Variants in RBFOX1 observed in about 807,000 individuals in gnomAD.
The protein encoded by RBFOX1 is RNA binding fox-1 homolog 1, also known as RNA binding protein fox-1 homolog 1.
RBFOX1 carries 8 observed loss-of-function variants against 57.7 expected under a neutral mutation model. The observed-to-expected ratio is 0.14, with a 90% CI of 0.08 to 0.25. The LOEUF is 0.25. Among genes scored for constraint, RBFOX1 ranks in the 10% least tolerant of loss-of-function variants. RBFOX1 has a pLI of 1.00. For missense variants in RBFOX1, 611 were observed against 548.5 expected, an observed-to-expected ratio of 1.11 and a Z score of -1.14; for synonymous variants, 326 against 222.4, an observed-to-expected ratio of 1.47 and a Z score of -4.15.
intron 2 of RBFOX1, among the ~76,000 whole-genome samples, chr16:6,519,626 G>A (rs747393986): frequency 5.3e-5 from 8 of 152,084 alleles, no homozygotes; most frequent in African/African-American, 7.2e-5. Context: ...GCTTGAACCC[G>A]GGAGGTGGAG....
chr16:6,446,542 A>T (rs1009338570), intron 2 of RBFOX1, among the ~76,000 whole-genome samples: 1 of 152,188 alleles, frequency 6.6e-6, no homozygotes, highest in South Asian at 2.1e-4. Flanking sequence ...TGCCTTCTGT[A>T]TTCAAGTGAT....
intron 5 of RBFOX1, among the ~76,000 whole-genome samples, chr16:7,540,647 A>G (rs2082673428): frequency 6.6e-6 from 1 of 152,298 alleles, no homozygotes; most frequent in South Asian, 2.1e-4. Context: ...AAACCTGCTC[A>G]TGATAGTCAT....
intron 1 of RBFOX1, among the ~76,000 whole-genome samples, chr16:6,111,618 A>G (rs993711897): frequency 7.9e-5 from 12 of 152,350 alleles, no homozygotes; most frequent in Admixed American, 2.0e-4. Context: ...TAAACTGGGT[A>G]TTTCTAATGT....
At position 6,843,858 on chromosome 16, in the gene RBFOX1, C is replaced by G. The variant is rs374907435; in HGVS notation, c.-16+189208C>G. ...GAAGTTCTCCTGAACTGACTGTTCCCTCAATATCTTCATATCCCCTGGATT... is the reference window on the plus strand; with the variant it reads ...GAAGTTCTCCTGAACTGACTGTTCCGTCAATATCTTCATATCCCCTGGATT... On this transcript the variant is annotated intron_variant, in intron 3 of 15. Transcript: ENST00000550418. Among the ~76,000 whole-genome samples the G allele has an allele frequency of 5.3e-5, 8 of 152,210 alleles. No homozygotes were observed. The South Asian group carries it at 1.0e-3, about 20-fold the overall frequency.
At chr16:6,658,467 A>G (rs2098676793) in intron 3 of RBFOX1, among the ~76,000 whole-genome samples, 1 of 152,088 alleles carries the variant, frequency 6.6e-6, no homozygotes, top group African/African-American at 2.4e-5. Flanking sequence ...TCAGCCTCCC[A>G]AAGTGCTGGG....
chr16:5,632,150 G>C (rs1175397582), intron 3 of RBFOX1, among the ~76,000 whole-genome samples: 2 of 152,194 alleles, frequency 1.3e-5, no homozygotes, highest in Non-Finnish European at 2.9e-5. Context: ...ATGCAGGTAA[G>C]CTACTTCATA....
chr16:5,268,001 C>A (rs1478808966), intron 1 of RBFOX1, among the ~76,000 whole-genome samples: 1 of 152,104 alleles, frequency 6.6e-6, no homozygotes, highest in Non-Finnish European at 1.5e-5. Flanking sequence ...ATCGCTTGAA[C>A]CCAGGAGGCG....
chr16:6,413,047 C>CAGTG (rs1197495145), intron 2 of RBFOX1, among the ~76,000 whole-genome samples: 1 of 152,190 alleles, frequency 6.6e-6, no homozygotes, highest in Non-Finnish European at 1.5e-5. Context: ...TGGCCAGGTA[C>CAGTG]AGTGCCTCAT....
At chr16:5,602,391 A>G (rs2047394986), downstream of RBFOX1, among the ~76,000 whole-genome samples, 1 of 152,218 alleles carries the variant, frequency 6.6e-6, no homozygotes, top group African/African-American at 2.4e-5. Context: ...TAATTTTTAA[A>G]AAGATGTACC....
At chr16:5,634,730 G>A (rs905125217) in intron 3 of RBFOX1, among the ~76,000 whole-genome samples, 6 of 152,148 alleles carry the variant, frequency 3.9e-5, no homozygotes, top group African/African-American at 1.2e-4. Context: ...GCCCACCAGC[G>A]TATTCTCTCC....
intron 4 of RBFOX1, among the ~76,000 whole-genome samples, chr16:7,210,913 A>T (rs1307839274): frequency 6.6e-6 from 1 of 151,648 alleles, no homozygotes; most frequent in African/African-American, 2.4e-5. Context: ...CTCACTATAA[A>T]AGAAAAAAAA....
chr16:6,319,839 C>T (rs1029975120), intron 2 of RBFOX1, among the ~76,000 whole-genome samples: 1 of 152,178 alleles, frequency 6.6e-6, no homozygotes, highest in Non-Finnish European at 1.5e-5. Flanking sequence ...CAAGAGGTTT[C>T]CTTGATCTCT....
chr16:7,553,395 T>A (rs940301499), intron 5 of RBFOX1, among the ~76,000 whole-genome samples: 2 of 152,184 alleles, frequency 1.3e-5, no homozygotes, highest in African/African-American at 4.8e-5. Flanking sequence ...TCCTCTAGCA[T>A]TGGTCTTCCA....
At chr16:5,574,038 C>A (rs12934769) in intron 2 of RBFOX1, among the ~76,000 whole-genome samples, 45,217 of 152,138 alleles carry the variant, frequency 0.3, 7,018 homozygotes, top group Non-Finnish European at 0.35. Flanking sequence ...TGGATTTGCC[C>A]CCGATGCCAT....
chr16:5,932,916 GA>G (rs1361775389), intron 4 of RBFOX1, among the ~76,000 whole-genome samples: 1 of 151,014 alleles, frequency 6.6e-6, no homozygotes, highest in Non-Finnish European at 1.5e-5. Flanking sequence ...TCCTGGCAAA[GA>G]AAAAAAAGGT....
intron 3 of RBFOX1, among the ~76,000 whole-genome samples, chr16:6,953,629 C>A (rs1369625116): frequency 1.3e-5 from 2 of 152,132 alleles, no homozygotes; most frequent in African/African-American, 4.8e-5. Context: ...TGAAGTGATC[C>A]ACTCATCTCG....
At chr16:6,895,585 T>A (rs372089350) in intron 3 of RBFOX1, among the ~76,000 whole-genome samples, 1 of 150,258 alleles carries the variant, frequency 6.7e-6, no homozygotes, top group Non-Finnish European at 1.5e-5. Context: ...GTTCAGAAAA[T>A]TTTTTTAAAG....
At chr16:7,668,729 A>G (rs1395172074) in intron 13 of RBFOX1, among the ~76,000 whole-genome samples, 1 of 152,242 alleles carries the variant, frequency 6.6e-6, no homozygotes, top group Non-Finnish European at 1.5e-5. Context: ...AATGAAACAT[A>G]TCAAATCTTT....
chr16:5,362,492 A>G (rs1238168710), intron 1 of RBFOX1, among the ~76,000 whole-genome samples: 1 of 152,152 alleles, frequency 6.6e-6, no homozygotes, highest in Non-Finnish European at 1.5e-5. Flanking sequence ...TCTCCCGAGT[A>G]GCTGGGATTA....
Sources: allele counts gnomAD v4.1 joint callset (sites outside exome capture counted in the v4.1 genomes callset), GRCh38; gene constraint gnomAD v4.1.1; transcripts MANE v1.5; gene names NCBI Gene and HGNC (gene_info 2026-07-23, HGNC 2026-07-21).